Variants in TCF3 observed in about 807,000 individuals in gnomAD.
TCF3 encodes transcription factor E2-alpha.
A neutral mutation model predicts 72.3 loss-of-function variants in TCF3; 54 were observed. The observed-to-expected ratio is 0.75, with a 90% CI of 0.60 to 0.94. The LOEUF is 0.94. Ranked by LOEUF, TCF3 falls within the 40% of genes least tolerant of loss-of-function variation. The pLI is 0.00. For synonymous variants in TCF3, 525 were observed against 412.6 expected, an observed-to-expected ratio of 1.27 and a Z score of -3.30; for missense variants, 1,078 against 934.4, an observed-to-expected ratio of 1.15 and a Z score of -2.00.
chr19:1,651,005 T>C (rs2066942274), intron 1 of TCF3: 1 of 230,252 alleles, frequency 4.3e-6, no homozygotes, highest in African/African-American at 2.2e-5. Flanking sequence ...TGTCGCGATG[T>C]ATCCGGGAAT....
intron 2 of TCF3, among the ~76,000 whole-genome samples, chr19:1,648,378 C>T (rs533509291): frequency 3.9e-5 from 6 of 152,192 alleles, no homozygotes; most frequent in African/African-American, 1.4e-4. Flanking sequence ...AGAGGACGGG[C>T]ACCTCGCCGC....
At chr19:1,644,669 C>A (rs1483848674) in intron 3 of TCF3, among the ~76,000 whole-genome samples, 1 of 152,170 alleles carries the variant, frequency 6.6e-6, no homozygotes, top group African/African-American at 2.4e-5. Flanking sequence ...CAGGGAGAGG[C>A]AACCCAGAGG....
chr19:1,612,711 C>T (rs1277107143), intron 18 of TCF3, among the ~76,000 whole-genome samples: 4 of 147,310 alleles, frequency 2.7e-5, no homozygotes, highest in Admixed American at 1.3e-4. Flanking sequence ...TGCGGGTACA[C>T]GGCTGGTGTG....
intron 7 of TCF3, 50 bp downstream of exon 7, chr19:1,625,526 T>C (rs748045324): frequency 5.3e-6 from 8 of 1,505,144 alleles, no homozygotes; most frequent in Non-Finnish European, 6.2e-6. Flanking sequence ...TACCTCCCTT[T>C]GCAGGCTCCC....
chr19:1,612,486 G>T, intron 18 of TCF3: 1 of 1,487,976 alleles, frequency 6.7e-7, no homozygotes, highest in Non-Finnish European at 9.3e-7. Flanking sequence ...CTGGGTGGGA[G>T]GGCAGGGCTG....
At chr19:1,650,965 G>C (rs899399182) in intron 1 of TCF3, 3 of 203,106 alleles carry the variant, frequency 1.5e-5, no homozygotes, top group African/African-American at 4.7e-5. Context: ...ATTCAGGAAA[G>C]AAAAAAAAAA....
chr19:1,627,265 T>A, intron 6 of TCF3, 94 bp downstream of exon 6: 1 of 804,092 alleles, frequency 1.2e-6, no homozygotes, highest in Non-Finnish European at 1.7e-6. Context: ...AAACATAACC[T>A]AGCTAAGCCA....
At chr19:1,625,217 C>T (rs1332287280) in intron 7 of TCF3, among the ~76,000 whole-genome samples, 2 of 152,236 alleles carry the variant, frequency 1.3e-5, no homozygotes, top group African/African-American at 2.4e-5. Context: ...GAGGCTGTGA[C>T]GTGCCTCGCG....
At chr19:1,612,532 G>A in intron 18 of TCF3, 1 of 1,198,484 alleles carries the variant, frequency 8.3e-7, no homozygotes, top group Non-Finnish European at 1.2e-6. Flanking sequence ...TTGTGTTTGT[G>A]CTGGTGTGGG....
At position 1,646,339 on chromosome 19, in the gene TCF3, G is replaced by A. The variant is rs1402090237; in HGVS notation, c.145+16C>T. On this transcript the variant is annotated intron_variant, in intron 3 of 18. Transcript: ENST00000262965. ...CTCCTCACTCCACGAGCGCTGGCAG[G>A]AAGGCGGGGTCCTACCTGAACCTCC... 3 of 1,550,086 alleles carry A rather than the reference G, an allele frequency of 1.9e-6. No homozygotes were observed. Among genetic ancestry groups the A allele is most frequent in the Non-Finnish European group, 1.7e-6 (2 of 1,146,434 alleles).
chr19:1,618,936 G>A (rs1040192707), intron 16 of TCF3, among the ~76,000 whole-genome samples, 175 bp downstream of exon 16: 2 of 152,156 alleles, frequency 1.3e-5, no homozygotes, highest in East Asian at 1.9e-4. Context: ...CAGGGCCAAC[G>A]CCGGCCCCGC....
chr19:1,634,167 A>G (rs997245476), intron 3 of TCF3, among the ~76,000 whole-genome samples: 1 of 152,242 alleles, frequency 6.6e-6, no homozygotes, highest in African/African-American at 2.4e-5. Flanking sequence ...CTCCTCCTAG[A>G]AATGACAAAA....
chr19:1,621,225 C>G (rs545008831), intron 11 of TCF3, 34 bp from the exon 12 acceptor site: 5 of 1,528,226 alleles, frequency 3.3e-6, no homozygotes, highest in Non-Finnish European at 4.4e-6. Context: ...CCACGCAGCC[C>G]GGCCTGGGTG....
chr19:1,651,531 G>C (rs1418789811), intron 1 of TCF3, among the ~76,000 whole-genome samples: 1 of 152,206 alleles, frequency 6.6e-6, no homozygotes, highest in Non-Finnish European at 1.5e-5. Flanking sequence ...GGGGGGTGGC[G>C]AGCTAAAACG....
At chr19:1,642,165 C>CACAT (rs2065362902) in intron 3 of TCF3, among the ~76,000 whole-genome samples, 1 of 150,226 alleles carries the variant, frequency 6.7e-6, no homozygotes, top group African/African-American at 2.4e-5. Context: ...CACACACACA[C>CACAT]GCACGCGTAC....
At chr19:1,625,796 C>A in intron 6 of TCF3, 88 bp from the exon 7 acceptor site, 2 of 1,396,482 alleles carry the variant, frequency 1.4e-6, no homozygotes, top group Non-Finnish European at 1.9e-6. Flanking sequence ...AAGGCCGAAG[C>A]CACTCAGACC....
rs369003879 is a variant in TCF3, at chr19:1,626,702, C to T, written c.366+657G>A. Among the ~76,000 whole-genome samples, 336 of 152,330 alleles carry T rather than the reference C, an allele frequency of 2.2e-3. 2 individuals are homozygous for T. Among genetic ancestry groups the T allele is most frequent in the African/African-American group, 6.0e-3 (249 of 41,576 alleles). On this transcript the variant is annotated intron_variant, in intron 6 of 18. Transcript: ENST00000262965. ...AATGGGCACGTAGGCCGCGGCCCCT[C>T]GTTGCGGGGACTGATAGGGAAACGC...
chr19:1,642,152 A>ACG (rs2065347453), intron 3 of TCF3, among the ~76,000 whole-genome samples: 1 of 151,338 alleles, frequency 6.6e-6, no homozygotes, highest in Non-Finnish European at 1.5e-5. Context: ...ACACACACAC[A>ACG]CACACACACA....
intron 3 of TCF3, among the ~76,000 whole-genome samples, chr19:1,632,818 G>A (rs1385332461): frequency 6.6e-6 from 1 of 152,186 alleles, no homozygotes; most frequent in Non-Finnish European, 1.5e-5. Flanking sequence ...CTGACCCTGT[G>A]AGAAAGGCTC....
Sources: allele counts gnomAD v4.1 joint callset (sites outside exome capture counted in the v4.1 genomes callset), GRCh38; gene constraint gnomAD v4.1.1; transcripts MANE v1.5; gene names NCBI Gene and HGNC (gene_info 2026-07-23, HGNC 2026-07-21).